The following LCN1 variants were observed in gnomAD, a reference collection of about 807,000 sequenced individuals.
LCN1 encodes lipocalin-1.
A neutral mutation model predicts 22.3 loss-of-function variants in LCN1; 25 were observed. The ratio of observed to expected loss-of-function variants is 1.12; its 90% CI spans 0.82 to 1.56. The LOEUF (loss-of-function observed/expected upper bound fraction) is 1.56. Among genes scored for constraint, LCN1 ranks in the 40% most tolerant of loss-of-function variants. The pLI, the probability that LCN1 is intolerant of heterozygous loss-of-function variation, is 0.00. For missense variants in LCN1, 219 were observed against 235.6 expected (o/e 0.93, Z 0.46); for synonymous variants, 85 against 97.6 (o/e 0.87, Z 0.76).
At chr9:135,524,500 C>T (rs1359427860) in intron 4 of LCN1, among the ~76,000 whole-genome samples, 17 of 152,268 alleles carry the variant, frequency 1.1e-4, no homozygotes, top group Non-Finnish European at 1.6e-4. Flanking sequence ...CAGGGGTGTG[C>T]GAATGACAGA....
intron 1 of LCN1, among the ~76,000 whole-genome samples, 181 bp from the exon 2 acceptor site, chr9:135,521,866 G>A (rs1445063755): frequency 6.6e-6 from 1 of 152,052 alleles, no homozygotes. Flanking sequence ...GGCTTGTGGG[G>A]GCTGGAGCCA....
intron 4 of LCN1, 39 bp downstream of exon 4, chr9:135,524,029 C>G (rs777796421): frequency 2.0e-6 from 3 of 1,475,162 alleles, no homozygotes; most frequent in Admixed American, 1.7e-5. Context: ...CATGCCTCCA[C>G]CTGCCCTCCC....
rs534681146 is a variant in LCN1, at chr9:135,523,163, G to A, written c.222-69G>A. 61 of 1,438,964 alleles carry A rather than the reference G, an allele frequency of 4.2e-5. 3 individuals carry two copies. The Middle Eastern group carries it at 7.5e-4, about 18-fold the overall frequency. The allele number at this position is 1,438,964 out of a possible 1,614,324, so 89.1% of individuals were successfully genotyped here. ...GGGGCCACATTTGCAGGGCATTGCA[G>A]CATGGTTGCTCCAGGGCCGGGGGAG... is the stretch of plus-strand genomic sequence containing the variant. On this transcript the variant is annotated intron_variant, in intron 2 of 6. Coordinates refer to ENST00000371781, the MANE Select transcript of LCN1 (RefSeq NM_002297.4).
rs377445147 is a variant in LCN1 at position 135,522,135 on chromosome 9, C to G, written c.179C>G (p.Thr60Arg). The G allele has an allele frequency of 1.2e-6, 2 of 1,600,770 alleles. No individual in the cohort carries two copies. The highest frequency in any genetic ancestry group is 1.7e-6 in the Non-Finnish European group (2 of 1,173,852). Residue 60 changes from threonine (T) to arginine (R), a missense_variant, in exon 2 of 7, where the codon ACG (threonine) becomes AGG (arginine). By Grantham distance (71) the Thr-to-Arg change is moderately conservative. Transcript: ENST00000371781. ...NLESVTPMTLTTLEGGNLEAK... is the reference protein window; with the variant it reads ...NLESVTPMTLRTLEGGNLEAK... ...GAATCGGTGACACCCATGACCCTCACGACCCTGGAAGGGGGCAACCTGGAA... is the reference window on the plus strand; with the variant it reads ...GAATCGGTGACACCCATGACCCTCAGGACCCTGGAAGGGGGCAACCTGGAA...
Position 135,522,194 on chromosome 9 carries a change from C to T in LCN1, c.221+17C>T, listed in dbSNP as rs200368052. On this transcript the variant is annotated intron_variant, in intron 2 of 6. Coordinates refer to ENST00000371781, the MANE Select transcript of LCN1 (RefSeq NM_002297.4). ...CACCATGCTGTGAGTGTCTGCCAGC[C>T]GGCCGGGCAGCCTGCAACCTGGTCT... 1.1e-5 allele frequency: 18 copies of T among 1,604,126 alleles called. No homozygotes were observed. The Middle Eastern group carries it at 1.2e-3, about 108-fold the overall frequency.
At chr9:135,525,255 C>T in intron 6 of LCN1, 97 bp downstream of exon 6, 1 of 1,240,708 alleles carries the variant, frequency 8.1e-7, no homozygotes, top group Non-Finnish European at 1.1e-6. Flanking sequence ...CATCCCACTC[C>T]TACCTGGGTG....
intron 2 of LCN1, 51 bp from the exon 3 acceptor site, chr9:135,523,181 C>G: frequency 6.4e-7 from 1 of 1,554,536 alleles, no homozygotes; most frequent in Non-Finnish European, 8.8e-7. Context: ...GCTCCAGGGC[C>G]GGGGGAGGCA....
At position 135,521,514 on chromosome 9, in the gene LCN1, T is replaced by C; in HGVS notation, c.17T>C (p.Leu6Pro). 1 of 1,612,778 alleles carries C rather than the reference T, an allele frequency of 6.2e-7. No homozygotes were observed. The change falls in exon 1 of 7, where the codon CTG becomes CCG. Residue 6 changes from leucine to proline, a missense_variant. Physicochemically the swap from Leu to Pro is moderately conservative, Grantham distance 98. Transcript: ENST00000371781. The stretch of plus-strand genomic sequence containing the variant: ...ACTCCGGAGATGAAGCCCCTGCTCC[T>C]GGCCGTCAGCCTTGGCCTCATTGCT... MKPLL[L>P]AVSLGLIAAL...
chr9:135,525,619 C>T (rs953020072), intron 6 of LCN1, among the ~76,000 whole-genome samples: 1 of 152,092 alleles, frequency 6.6e-6, no homozygotes, highest in Non-Finnish European at 1.5e-5. Context: ...TTTGGAGACT[C>T]GCCCAAGGTC....
chr9:135,525,229 TG>T, intron 6 of LCN1, 71 bp downstream of exon 6: 1 of 1,471,424 alleles, frequency 6.8e-7, no homozygotes. Context: ...CCAGAGGCCA[TG>T]GGGTCTCTCC....
At chr9:135,523,203 C>T (rs374525019) in intron 2 of LCN1, 29 bp from the exon 3 acceptor site, 17 of 1,605,768 alleles carry the variant, frequency 1.1e-5, no homozygotes, top group South Asian at 2.2e-5. Flanking sequence ...AGGCCAGGGC[C>T]GCTTTGCCAG....
At chr9:135,526,253 T>C in intron 6 of LCN1, 91 bp from the exon 7 acceptor site, 2 of 190,910 alleles carry the variant, frequency 1.0e-5, no homozygotes, top group Non-Finnish European at 8.1e-6. Flanking sequence ...GCCCCCACAC[T>C]GCAGCACCCA....
chr9:135,526,417 G>A lies in LCN1; in HGVS notation c.*75G>A. On this transcript the variant is annotated 3_prime_UTR_variant, in exon 7 of 7. Coordinates refer to ENST00000371781, the MANE Select transcript of LCN1 (RefSeq NM_002297.4). ...GCACCTCCGTCATTCACAGGGACAT[G>A]GAAAAAGCTCCCCACCCCTGCAGAA... 7.8e-7 allele frequency: 1 copy of A among 1,286,128 alleles called. No individual in the cohort carries two copies. The highest frequency in any genetic ancestry group is 1.0e-6 in the Non-Finnish European group (1 of 987,648). 79.7% of individuals were successfully genotyped at this position (1,286,128 alleles called of 1,614,324 possible).
intron 4 of LCN1, among the ~76,000 whole-genome samples, chr9:135,524,451 G>A (rs554029836): frequency 6.6e-6 from 1 of 152,194 alleles, no homozygotes; most frequent in Non-Finnish European, 1.5e-5. Context: ...CCCTGTCAGA[G>A]GACGAGGCCC....
Position 135,523,340 on chromosome 9 carries a change from C to T in LCN1, c.292+38C>T, listed in dbSNP as rs749908793. 3.6e-5 allele frequency: 57 copies of T among 1,588,656 alleles called. No homozygotes were observed. In the Middle Eastern group the frequency reaches 1.1e-3, roughly 29 times the overall value. On this transcript the variant is annotated intron_variant, in intron 3 of 6. Transcript: ENST00000371781. ...GCCTGAGCCAGAGCCTGAGCTTGAA[C>T]ACACGCTGGATGTGCGGGGGCAGCC...
At chr9:135,522,486 G>C (rs932505366) in intron 2 of LCN1, among the ~76,000 whole-genome samples, 1 of 152,238 alleles carries the variant, frequency 6.6e-6, no homozygotes, top group Non-Finnish European at 1.5e-5. Context: ...GTTTACCCCC[G>C]ACCAGAGTCA....
intron 4 of LCN1, among the ~76,000 whole-genome samples, chr9:135,524,584 C>A (rs1214781734): frequency 6.6e-6 from 1 of 152,190 alleles, no homozygotes; most frequent in African/African-American, 2.4e-5. Flanking sequence ...TCCATCCTCA[C>A]TCCGGGAGAT....
rs1160490409 is a variant in LCN1 at position 135,526,521 on chromosome 9, G to A, written c.*179G>A. 8.0e-7 allele frequency: 1 copy of A among 1,244,170 alleles called. No homozygotes were observed. The allele number at this position is 1,244,170 out of a possible 1,614,324, so 77.1% of individuals were successfully genotyped here. A position where few individuals can be genotyped will look rare whatever the true frequency, so the allele number is the denominator to read the frequency against. On this transcript the variant is annotated 3_prime_UTR_variant, in exon 7 of 7. Coordinates refer to ENST00000371781, the MANE Select transcript of LCN1 (RefSeq NM_002297.4). ...CCCCTCTCCTGGTTCTCCATAAAGA[G>A]CTTCAGCAGTTCCCAGTGACTCCGC...
intron 3 of LCN1, 52 bp from the exon 4 acceptor site, chr9:135,523,828 T>C: frequency 6.7e-7 from 1 of 1,499,652 alleles, no homozygotes; most frequent in Non-Finnish European, 9.3e-7. Context: ...CCCGGGATCC[T>C]CTCTGAAGTC....
Sources: gnomAD v4.1 joint callset for allele counts (sites outside exome capture counted in the v4.1 genomes callset) on GRCh38, gnomAD v4.1.1 for gene constraint, MANE v1.5 for transcripts, NCBI Gene and HGNC (gene_info 2026-07-23, HGNC 2026-07-21) for gene names.